SOS1: variants seen among roughly 807,000 people sequenced by gnomAD.
SOS1 encodes son of sevenless homolog 1.
SOS1 carries 25 observed loss-of-function variants against 157.6 expected under a neutral mutation model. The ratio of observed to expected loss-of-function variants is 0.16; its 90% CI spans 0.12 to 0.22. SOS1 has a LOEUF of 0.22. Ranked by LOEUF, SOS1 falls within the 10% of genes least tolerant of loss-of-function variation. SOS1 has a pLI of 1.00. For synonymous variants in SOS1, 528 were observed against 534.0 expected, an observed-to-expected ratio of 0.99 and a Z score of 0.16; for missense variants, 1,237 against 1,599.1, an observed-to-expected ratio of 0.77 and a Z score of 3.86.
rs537484409 is a variant in SOS1 at position 38,983,305 on chromosome 2, A to C, written c.*2519T>G. The C allele has an allele frequency of 6.6e-6, 1 of 152,318 alleles. No homozygotes were observed. The highest frequency in any genetic ancestry group is 6.5e-5 in the Admixed American group (1 of 15,284). 9.4% of individuals were successfully genotyped at this position (152,318 alleles called of 1,614,324 possible). A position where few individuals can be genotyped will look rare whatever the true frequency, so the allele number is the denominator to read the frequency against. On this transcript the variant is annotated 3_prime_UTR_variant, in exon 23 of 23. Coordinates refer to ENST00000402219, the MANE Select transcript of SOS1 (RefSeq NM_005633.4). ...TAGTTAATGTTTCATATTGAGAAGA[A>C]GGCAAGGATGCCATTTTCTCACCTC...
chr2:39,035,774 C>T (rs1216530458), intron 6 of SOS1, among the ~76,000 whole-genome samples: 1 of 152,056 alleles, frequency 6.6e-6, no homozygotes, highest in African/African-American at 2.4e-5. Context: ...ACAAACATGG[C>T]CATAAGAGTG....
rs564503264 is a variant in SOS1 at position 39,106,364 on chromosome 2, G to A, written c.87+13972C>T. Among the ~76,000 whole-genome samples, 168 of 152,112 alleles carry A rather than the reference G, an allele frequency of 1.1e-3. 1 individual carries two copies. Among genetic ancestry groups the A allele is most frequent in the African/African-American group, 3.9e-3 (163 of 41,482 alleles). On this transcript the variant is annotated intron_variant, in intron 1 of 22. Transcript: ENST00000402219. ...CCAGCACTTTGGGAGGCCGAGGCGG[G>A]CGGATCACGAGGTCAGGAGATCGAG... is the stretch of plus-strand genomic sequence containing the variant.
chr2:39,015,354 G>A (rs1669596958), intron 10 of SOS1, among the ~76,000 whole-genome samples: 1 of 151,890 alleles, frequency 6.6e-6, no homozygotes, highest in African/African-American at 2.4e-5. Flanking sequence ...GTTAAATACA[G>A]TTTTTAAATT....
At position 39,003,066 on chromosome 2, in the gene SOS1, C is replaced by CAAAAAAAAAAAAAAA. The variant is rs57338404; in HGVS notation, c.2791+3345_2791+3346insTTTTTTTTTTTTTTT. On this transcript the variant is annotated intron_variant, in intron 17 of 22. Transcript: ENST00000402219. ...TGGGTGATAAAGTGAGACCTTGTAT[C>CAAAAAAAAAAAAAAA]AAAAAAAAAAAAGAACGTAGGGGTA... 1.4e-3 allele frequency among the ~76,000 whole-genome samples: 99 copies of CAAAAAAAAAAAAAAA among 72,262 alleles called. 3 individuals carry two copies. The highest frequency in any genetic ancestry group is 3.7e-3 in the African/African-American group (94 of 25,068). The allele number at this position is 72,262 out of a possible 152,430, so 47.4% of individuals were successfully genotyped here.
intron 1 of SOS1, among the ~76,000 whole-genome samples, chr2:39,068,427 T>G (rs1671665866): frequency 1.3e-5 from 2 of 152,166 alleles, no homozygotes; most frequent in South Asian, 4.1e-4. Context: ...AAAACTGACC[T>G]CCTATGGGCC....
In SOS1 at chr2:38,995,298, C is replaced by T. The variant is rs1668857607; in HGVS notation, c.3171G>A (p.Gln1057=). 1 of 1,613,954 alleles carries T rather than the reference C, an allele frequency of 6.2e-7. No individual in the cohort carries two copies. The highest frequency in any genetic ancestry group is 1.7e-5 in the Admixed American group (1 of 60,006). Residue 1057 remains glutamine (Q), a synonymous_variant, in exon 20 of 23, where the codon CAG becomes CAA. Coordinates refer to ENST00000402219, the MANE Select transcript of SOS1 (RefSeq NM_005633.4). The part of the protein sequence containing the change: ...PGTMRHPTPL[Q]QEPRKISYSR... ...TATAACTAATTTTCCTTGGCTCCTG[C>T]TGCAGAGGTGTGGGATGCCTCATGG...
At position 39,048,325 on chromosome 2, in the gene SOS1, T is replaced by G. The variant is rs575740330; in HGVS notation, c.864+2819A>C. On this transcript the variant is annotated intron_variant, in intron 6 of 22. Transcript: ENST00000402219. ...TTACTCAACTGACTGTTAACCTCTGTTGTTAAAGAGAAACGTGCTGCCATT... is the reference window on the plus strand; with the variant it reads ...TTACTCAACTGACTGTTAACCTCTGGTGTTAAAGAGAAACGTGCTGCCATT... Among the ~76,000 whole-genome samples, 24 of 152,358 alleles carry G rather than the reference T, an allele frequency of 1.6e-4. No individual in the cohort carries two copies. In the East Asian group the frequency reaches 1.9e-3, roughly 12 times the overall value.
intron 1 of SOS1, among the ~76,000 whole-genome samples, chr2:39,087,133 G>A (rs1224381369): frequency 6.6e-6 from 1 of 152,096 alleles, no homozygotes; most frequent in African/African-American, 2.4e-5. Flanking sequence ...GAAAATTATA[G>A]TATTATGCAC....
intron 10 of SOS1, among the ~76,000 whole-genome samples, chr2:39,019,124 GTT>G (rs1305323612): frequency 6.6e-6 from 1 of 151,768 alleles, no homozygotes; most frequent in Non-Finnish European, 1.5e-5. Context: ...TCTGGCTTAA[GTT>G]TTTTCAATAC....
chr2:38,996,810 T>A, intron 19 of SOS1, 112 bp downstream of exon 19: 1 of 724,554 alleles, frequency 1.4e-6, no homozygotes, highest in African/African-American at 1.7e-5. Context: ...TTAAGTACTT[T>A]TTCATTACTT....
Position 39,040,048 on chromosome 2 carries a change from G to A in SOS1, c.865-4548C>T, listed in dbSNP as rs1198792172. 2.0e-5 allele frequency among the ~76,000 whole-genome samples: 3 copies of A among 151,690 alleles called. No individual in the cohort carries two copies. In the East Asian group the frequency reaches 5.8e-4, roughly 29 times the overall value. On this transcript the variant is annotated intron_variant, in intron 6 of 22. Transcript: ENST00000402219. ...TTTTTTTGAGATGGAGTCTTGCTCT[G>A]TCGCCCAGGCTGGAGTGCAGTGGCG... is the stretch of plus-strand genomic sequence containing the variant.
intron 2 of SOS1, among the ~76,000 whole-genome samples, chr2:39,066,124 A>G (rs1431613753): frequency 6.6e-6 from 1 of 152,110 alleles, no homozygotes; most frequent in Admixed American, 6.5e-5. Context: ...TGAGGTTGCT[A>G]GAGATTACTT....
chr2:39,122,259 G>C (rs577304650), upstream of SOS1, among the ~76,000 whole-genome samples: 1 of 151,040 alleles, frequency 6.6e-6, no homozygotes, highest in South Asian at 2.1e-4. Flanking sequence ...GTGAAAACCT[G>C]TCTCCATAAG....
At position 38,985,536 on chromosome 2, in the gene SOS1, C is replaced by G. The variant is rs1668530201; in HGVS notation, c.*288G>C. ...GATCACTTCACAAAAGATCACTTCACAAAAAGAGGACTCCTGCCTATTGGC... is the reference window on the plus strand; with the variant it reads ...GATCACTTCACAAAAGATCACTTCAGAAAAAGAGGACTCCTGCCTATTGGC... On this transcript the variant is annotated 3_prime_UTR_variant, in exon 23 of 23. Transcript: ENST00000402219. 1 of 391,810 alleles carries G rather than the reference C, an allele frequency of 2.6e-6. No homozygotes were observed. The highest frequency in any genetic ancestry group is 3.6e-5 in the Admixed American group (1 of 27,502). The allele number at this position is 391,810 out of a possible 1,614,324, so 24.3% of individuals were successfully genotyped here.
chr2:39,002,450 A>G (rs1669134141), intron 17 of SOS1, among the ~76,000 whole-genome samples: 2 of 152,160 alleles, frequency 1.3e-5, no homozygotes, highest in Admixed American at 6.5e-5. Context: ...GGGGCCAAAT[A>G]GTGAGTCAGT....
At chr2:39,112,035 C>G (rs1463051510) in intron 1 of SOS1, among the ~76,000 whole-genome samples, 5 of 152,088 alleles carry the variant, frequency 3.3e-5, no homozygotes, top group Non-Finnish European at 5.9e-5. Context: ...GTCATCATCT[C>G]TAATCACATC....
chr2:38,993,863 T>A (rs950696612), intron 20 of SOS1: 3 of 152,196 alleles, frequency 2.0e-5, no homozygotes, highest in African/African-American at 7.2e-5. Flanking sequence ...TAAGGGCATG[T>A]GGAAATGGTC....
intron 1 of SOS1, among the ~76,000 whole-genome samples, chr2:39,113,742 C>G (rs1673530524): frequency 6.6e-6 from 1 of 152,112 alleles, no homozygotes. Flanking sequence ...CTTTGTGTTC[C>G]TGAATCTTCA....
intron 1 of SOS1, among the ~76,000 whole-genome samples, chr2:39,110,511 A>ATAC (rs1251296974): frequency 6.6e-6 from 1 of 152,198 alleles, no homozygotes; most frequent in East Asian, 1.9e-4. Context: ...TACTCTAGGC[A>ATAC]TACTGCCTAT....
Sources: allele counts gnomAD v4.1 joint callset (sites outside exome capture counted in the v4.1 genomes callset), GRCh38; gene constraint gnomAD v4.1.1; transcripts MANE v1.5; gene names NCBI Gene and HGNC (gene_info 2026-07-23, HGNC 2026-07-21).